CSMD3: variants seen among roughly 807,000 people sequenced by gnomAD.
CSMD3 encodes the protein CUB and Sushi multiple domains 3.
In CSMD3, 177 loss-of-function variants were observed where a neutral mutation model predicts 435.2. The ratio of observed to expected loss-of-function variants is 0.41; its 90% CI spans 0.36 to 0.46. The LOEUF is 0.46. Among genes scored for constraint, CSMD3 ranks in the 20% least tolerant of loss-of-function variants. CSMD3 has a pLI of 0.34. For missense variants in CSMD3, 4,265 were observed against 4,504.6 expected (o/e 0.95, Z 1.52); for synonymous variants, 1,656 against 1,520.5 (o/e 1.09, Z -2.07).
intron 5 of CSMD3, among the ~76,000 whole-genome samples, chr8:113,081,952 C>T (rs1367128841): frequency 6.6e-6 from 1 of 152,236 alleles, no homozygotes; most frequent in South Asian, 2.1e-4. Flanking sequence ...AACATCAATT[C>T]CTCTAGCAGG....
At chr8:112,551,192 C>T (rs978399732) in intron 26 of CSMD3, among the ~76,000 whole-genome samples, 6 of 152,068 alleles carry the variant, frequency 3.9e-5, no homozygotes, top group Admixed American at 6.6e-5. Flanking sequence ...ATGCTAGGCA[C>T]TGTGCAAAAT....
rs553885723 is a variant in CSMD3, at chr8:112,403,027, T to C, written c.5809+3497A>G. Among the ~76,000 whole-genome samples the C allele has an allele frequency of 9.8e-5, 15 of 152,296 alleles. 1 individual carries two copies. In the South Asian group the frequency reaches 3.1e-3, roughly 32 times the overall value. ...ACCTAAGGGGAGGATCTCTCTGCCA[T>C]ATTAACCCCAGCTCTCTGGTAGGCA... On this transcript the variant is annotated intron_variant, in intron 35 of 70. Transcript: ENST00000297405.
At chr8:113,136,196 A>T (rs1054611795) in intron 4 of CSMD3, among the ~76,000 whole-genome samples, 1 of 151,786 alleles carries the variant, frequency 6.6e-6, no homozygotes, top group Non-Finnish European at 1.5e-5. Context: ...AAATACTGAG[A>T]TGCTAAAAAG....
chr8:112,995,282 G>A (rs1483074204), intron 6 of CSMD3, among the ~76,000 whole-genome samples: 2 of 151,278 alleles, frequency 1.3e-5, no homozygotes, highest in African/African-American at 4.8e-5. Context: ...CAAAGTTAGT[G>A]CAATGATTAA....
At chr8:113,262,514 A>C (rs1444599358) in intron 3 of CSMD3, among the ~76,000 whole-genome samples, 1 of 152,042 alleles carries the variant, frequency 6.6e-6, no homozygotes, top group Non-Finnish European at 1.5e-5. Flanking sequence ...GATTAGGTAA[A>C]GCTATATTAC....
chr8:112,583,919 C>T (rs1465513379), intron 23 of CSMD3, among the ~76,000 whole-genome samples: 1 of 151,574 alleles, frequency 6.6e-6, no homozygotes, highest in Non-Finnish European at 1.5e-5. Context: ...TTTATTATTA[C>T]TATTATTATT....
intron 4 of CSMD3, among the ~76,000 whole-genome samples, chr8:113,159,448 A>T (rs1279709358): frequency 6.6e-6 from 1 of 151,924 alleles, no homozygotes; most frequent in Admixed American, 6.6e-5. Flanking sequence ...ATTATGGGAA[A>T]AAATTCAGAG....
At chr8:113,394,910 A>T (rs2094476436) in intron 1 of CSMD3, among the ~76,000 whole-genome samples, 1 of 152,140 alleles carries the variant, frequency 6.6e-6, no homozygotes, top group African/African-American at 2.4e-5. Context: ...GTCCTAGAGG[A>T]CGACTGAGAA....
At chr8:113,192,405 A>G (rs2092598825) in intron 3 of CSMD3, among the ~76,000 whole-genome samples, 1 of 151,590 alleles carries the variant, frequency 6.6e-6, no homozygotes, top group African/African-American at 2.4e-5. Context: ...TTCTTTCGAT[A>G]TGGAATTTCC....
chr8:112,314,622 C>A lies in CSMD3; in HGVS notation c.7361-5G>T, dbSNP rs1177455900. 2 of 1,607,014 alleles carry A rather than the reference C, an allele frequency of 1.2e-6. No individual in the cohort carries two copies. Among genetic ancestry groups the A allele is most frequent in the South Asian group, 2.2e-5 (2 of 90,866 alleles). On this transcript the variant is annotated splice_region_variant and splice_polypyrimidine_tract_variant and intron_variant, in intron 47 of 70. Transcript: ENST00000297405. ...ATTCATTGGCAGGACAGAGCACTGT[C>A]AAAGAAAAATGTCATTAAATAATGC...
rs139861725 is a variant in CSMD3 at position 113,174,975 on chromosome 8, T to C, written c.515-1059A>G. On this transcript the variant is annotated intron_variant, in intron 3 of 70. Coordinates refer to ENST00000297405, the MANE Select transcript of CSMD3 (RefSeq NM_198123.2). ...TATGGGAACTACTGTTCTTGCAAAATAATAAGCTGAAAGTCATGTTGCAAT... is the reference window on the plus strand; with the variant it reads ...TATGGGAACTACTGTTCTTGCAAAACAATAAGCTGAAAGTCATGTTGCAAT... 4.7e-3 allele frequency among the ~76,000 whole-genome samples: 713 copies of C among 151,914 alleles called. 5 individuals are homozygous for C. The highest frequency in any genetic ancestry group is 0.015 in the African/African-American group (621 of 41,546).
intron 9 of CSMD3, among the ~76,000 whole-genome samples, chr8:112,942,945 G>T (rs1204573734): frequency 6.6e-6 from 1 of 151,692 alleles, no homozygotes; most frequent in African/African-American, 2.4e-5. Flanking sequence ...ATTCCCACCA[G>T]CAGTACATGA....
chr8:113,037,472 T>C (rs1362795810), intron 5 of CSMD3, among the ~76,000 whole-genome samples: 2 of 152,170 alleles, frequency 1.3e-5, no homozygotes, highest in African/African-American at 4.8e-5. Context: ...TATTTATCTT[T>C]TTATTTTCCT....
chr8:112,540,457 G>C (rs2131133668), intron 27 of CSMD3, among the ~76,000 whole-genome samples: 1 of 152,116 alleles, frequency 6.6e-6, no homozygotes. Context: ...AAGAAAATTA[G>C]TATATCAAAG....
intron 5 of CSMD3, among the ~76,000 whole-genome samples, chr8:113,085,254 C>T (rs1314337079): frequency 6.6e-6 from 1 of 151,524 alleles, no homozygotes; most frequent in Admixed American, 6.6e-5. Flanking sequence ...AAAAAACCAC[C>T]CACAAATAAT....
At chr8:112,602,856 A>C (rs897384189) in intron 22 of CSMD3, among the ~76,000 whole-genome samples, 3 of 152,194 alleles carry the variant, frequency 2.0e-5, no homozygotes, top group African/African-American at 4.8e-5. Flanking sequence ...CTGAAATGGT[A>C]GGCAATCACA....
intron 27 of CSMD3, 64 bp from the exon 28 acceptor site, chr8:112,517,289 T>G: frequency 8.5e-7 from 1 of 1,179,322 alleles, no homozygotes; most frequent in South Asian, 1.3e-5. Flanking sequence ...CATATATCCC[T>G]GTGTTTTAGA....
intron 38 of CSMD3, among the ~76,000 whole-genome samples, chr8:112,353,071 C>A (rs1472537536): frequency 6.6e-6 from 1 of 151,978 alleles, no homozygotes; most frequent in East Asian, 1.9e-4. Context: ...GTAAGTAGAA[C>A]TTTTCTTTCT....
At chr8:113,137,004 T>A (rs1218156096) in intron 4 of CSMD3, among the ~76,000 whole-genome samples, 4 of 151,680 alleles carry the variant, frequency 2.6e-5, no homozygotes, top group Non-Finnish European at 4.4e-5. Flanking sequence ...GAAAGTTTAG[T>A]AGGTTTCCTC....
Sources: allele counts gnomAD v4.1 joint callset (sites outside exome capture counted in the v4.1 genomes callset), GRCh38; gene constraint gnomAD v4.1.1; transcripts MANE v1.5; gene names NCBI Gene and HGNC (gene_info 2026-07-23, HGNC 2026-07-21).